The following CKAP5 variants were observed in gnomAD, a reference collection of about 807,000 sequenced individuals.
The protein encoded by CKAP5 is cytoskeleton-associated protein 5.
In CKAP5, 27 loss-of-function variants were observed where a neutral mutation model predicts 232.8. That is an observed-to-expected ratio of 0.12 (90% CI 0.09 to 0.16). The LOEUF (loss-of-function observed/expected upper bound fraction) is 0.16, where lower values mean the gene tolerates loss of function less well. Ranked by LOEUF, CKAP5 falls within the 10% of genes least tolerant of loss-of-function variation. CKAP5 has a pLI of 1.00. For missense variants in CKAP5, 1,838 were observed against 2,424.7 expected, an observed-to-expected ratio of 0.76 and a Z score of 5.08; for synonymous variants, 785 against 841.1, an observed-to-expected ratio of 0.93 and a Z score of 1.16.
At chr11:46,764,847 TGAA>T (rs2065188143) in intron 28 of CKAP5, among the ~76,000 whole-genome samples, 1 of 8,954 alleles carries the variant, frequency 1.1e-4, no homozygotes, top group African/African-American at 3.8e-4. Context: ...GAAGGATTAA[TGAA>T]GAAGCTTATA....
intron 8 of CKAP5, chr11:46,802,155 C>A (rs1939044584): frequency 6.6e-6 from 1 of 152,200 alleles, no homozygotes; most frequent in Non-Finnish European, 1.5e-5. Flanking sequence ...CCACTTCAGT[C>A]ATCTAATAAT....
chr11:46,762,901 A>G, intron 30 of CKAP5, 75 bp downstream of exon 30: 1 of 1,470,246 alleles, frequency 6.8e-7, no homozygotes, highest in South Asian at 1.2e-5. Flanking sequence ...TAAAAAAGGG[A>G]GAGGAAATAA....
chr11:46,845,290 C>G (rs1377604636), intron 1 of CKAP5, among the ~76,000 whole-genome samples: 1 of 152,126 alleles, frequency 6.6e-6, no homozygotes, highest in African/African-American at 2.4e-5. Flanking sequence ...ATGCCTTGGT[C>G]CCATGAGAAT....
intron 38 of CKAP5, among the ~76,000 whole-genome samples, chr11:46,752,193 T>TACACACAC (rs1156472710): frequency 1.7e-4 from 11 of 66,536 alleles, no homozygotes; most frequent in African/African-American, 4.6e-4. Flanking sequence ...TATATATATA[T>TACACACAC]ACACACACAC....
chr11:46,775,973 A>T (rs561027387), intron 24 of CKAP5, among the ~76,000 whole-genome samples: 8 of 152,092 alleles, frequency 5.3e-5, no homozygotes, highest in South Asian at 2.1e-4. Context: ...AAATAATAAT[A>T]AAAAAAACAC....
chr11:46,809,508 G>A lies in CKAP5; in HGVS notation c.764-8C>T, dbSNP rs1939229518. On this transcript the variant is annotated splice_polypyrimidine_tract_variant and splice_region_variant and intron_variant, in intron 6 of 43. Coordinates refer to ENST00000529230, the MANE Select transcript of CKAP5 (RefSeq NM_001008938.4). ...CATCACCATCATCACCACCTTTAAG[G>A]AGAAAAACAACACAAACCTTAAAAA... 6.3e-7 allele frequency: 1 copy of A among 1,591,198 alleles called. No homozygotes were observed. The highest frequency in any genetic ancestry group is 8.6e-7 in the Non-Finnish European group (1 of 1,162,894).
intron 13 of CKAP5, among the ~76,000 whole-genome samples, chr11:46,791,207 G>A (rs1431612569): frequency 6.6e-6 from 1 of 151,680 alleles, no homozygotes; most frequent in African/African-American, 2.4e-5. Context: ...ATTTGAGAAT[G>A]ACATCCTGAT....
intron 1 of CKAP5, among the ~76,000 whole-genome samples, chr11:46,825,952 C>A (rs1322185423): frequency 1.1e-4 from 17 of 151,976 alleles, no homozygotes; most frequent in Non-Finnish European, 2.5e-4. Flanking sequence ...GCAAAAATGA[C>A]AACACTTTCC....
intron 1 of CKAP5, among the ~76,000 whole-genome samples, chr11:46,834,799 G>A (rs1032434951): frequency 1.3e-5 from 2 of 152,004 alleles, no homozygotes; most frequent in Non-Finnish European, 2.9e-5. Context: ...TTTATGTACT[G>A]GATAGAGATT....
At chr11:46,757,977 T>C (rs1004047332) in intron 35 of CKAP5, among the ~76,000 whole-genome samples, 6 of 148,786 alleles carry the variant, frequency 4.0e-5, no homozygotes, top group Non-Finnish European at 8.9e-5. Context: ...AGCCTCAACC[T>C]CCCAGGCTCA....
chr11:46,780,354 CA>C (rs2065330926), intron 19 of CKAP5, 35 bp from the exon 20 acceptor site: 12 of 1,613,692 alleles, frequency 7.4e-6, no homozygotes, highest in Non-Finnish European at 1.0e-5. Context: ...TTTTAAATCA[CA>C]AAGATGGCAA....
Position 46,750,278 on chromosome 11 carries a change from T to A in CKAP5, c.5700A>T (p.Ser1900=). The change falls in exon 42 of 44, where the codon TCA becomes TCT. Residue 1900 remains serine (S), a synonymous_variant. Transcript: ENST00000529230. ...EREGKGRIST[S]TGISPQMEVT... Reference sequence around the variant, plus strand: ...AGCTATAACAGGAAACCATACCTGTTGAAGTGGAAATACGACCTTTGCCCT... The same window carrying A: ...AGCTATAACAGGAAACCATACCTGTAGAAGTGGAAATACGACCTTTGCCCT... The A allele has an allele frequency of 6.2e-7, 1 of 1,613,936 alleles. No individual in the cohort carries two copies. Among genetic ancestry groups the A allele is most frequent in the South Asian group, 1.1e-5 (1 of 91,030 alleles).
chr11:46,798,210 A>G, intron 9 of CKAP5, 38 bp from the exon 10 acceptor site: 1 of 1,345,406 alleles, frequency 7.4e-7, no homozygotes, highest in Non-Finnish European at 1.1e-6. Context: ...TTCAGCAACA[A>G]AGAGGAATGA....
intron 20 of CKAP5, among the ~76,000 whole-genome samples, 171 bp downstream of exon 20, chr11:46,780,021 GAC>G (rs2065325955): frequency 6.6e-6 from 1 of 152,064 alleles, no homozygotes; most frequent in Non-Finnish European, 1.5e-5. Flanking sequence ...ACTTAGTGTG[GAC>G]ACCCAACTGG....
intron 8 of CKAP5, among the ~76,000 whole-genome samples, chr11:46,806,244 C>T (rs759437597): frequency 5.9e-5 from 9 of 152,164 alleles, no homozygotes; most frequent in Non-Finnish European, 1.3e-4. Context: ...TATTTACATT[C>T]ACAATGCCAA....
chr11:46,755,794 T>A (rs1248124899), intron 35 of CKAP5, among the ~76,000 whole-genome samples: 1 of 151,772 alleles, frequency 6.6e-6, no homozygotes, highest in East Asian at 2.0e-4. Flanking sequence ...CCTGGCATGG[T>A]GGTAGGCACC....
intron 1 of CKAP5, among the ~76,000 whole-genome samples, chr11:46,822,762 A>AG (rs1939568507): frequency 6.8e-6 from 1 of 148,070 alleles, no homozygotes; most frequent in African/African-American, 2.5e-5. Context: ...AAAAAAAAAA[A>AG]AAGAAAGAAA....
At chr11:46,763,367 A>C in intron 29 of CKAP5, 114 bp downstream of exon 29, 2 of 1,062,602 alleles carry the variant, frequency 1.9e-6, no homozygotes, top group Non-Finnish European at 2.7e-6. Context: ...CAGCTCTAAA[A>C]ATAGAGAACA....
At chr11:46,778,032 C>A in intron 22 of CKAP5, 107 bp downstream of exon 22, 1 of 870,016 alleles carries the variant, frequency 1.1e-6, no homozygotes, top group Non-Finnish European at 1.8e-6. Context: ...TAGTTCAAAG[C>A]AAATAAAGTA....
Sources: gnomAD v4.1 joint callset for allele counts (sites outside exome capture counted in the v4.1 genomes callset) on GRCh38, gnomAD v4.1.1 for gene constraint, MANE v1.5 for transcripts, NCBI Gene and HGNC (gene_info 2026-07-23, HGNC 2026-07-21) for gene names.